GRAMD4: variants seen among roughly 807,000 people sequenced by gnomAD.
The protein encoded by GRAMD4 is GRAM domain-containing protein 4.
In GRAMD4, 25 loss-of-function variants were observed where a neutral mutation model predicts 83.9. The ratio of observed to expected loss-of-function variants is 0.30; its 90% CI spans 0.22 to 0.42. GRAMD4 has a LOEUF of 0.42. GRAMD4 is among the 10% of genes least tolerant of loss of function. GRAMD4 has a pLI of 1.00. For missense variants in GRAMD4, 593 were observed against 788.7 expected (o/e 0.75, Z 2.97); for synonymous variants, 336 against 320.9 (o/e 1.05, Z -0.50).
intron 4 of GRAMD4, among the ~76,000 whole-genome samples, chr22:46,661,118 G>C (rs1413608852): frequency 1.3e-5 from 2 of 152,238 alleles, no homozygotes; most frequent in African/African-American, 4.8e-5. Flanking sequence ...AGAAGCAAGT[G>C]TGCTAAAATG....
chr22:46,627,509 C>T (rs575111141), intron 2 of GRAMD4, among the ~76,000 whole-genome samples: 47 of 152,302 alleles, frequency 3.1e-4, no homozygotes, highest in African/African-American at 7.2e-4. Flanking sequence ...GGGAGCCAGG[C>T]GGGAGCCAGG....
At chr22:46,636,081 T>A (rs2147215277) in intron 2 of GRAMD4, among the ~76,000 whole-genome samples, 1 of 152,096 alleles carries the variant, frequency 6.6e-6, no homozygotes, top group Non-Finnish European at 1.5e-5. Context: ...CCAGCTGGGG[T>A]CCTAGTCTGG....
intron 10 of GRAMD4, 32 bp downstream of exon 10, chr22:46,666,905 G>A (rs758038450): frequency 1.1e-5 from 17 of 1,489,638 alleles, no homozygotes; most frequent in Non-Finnish European, 1.5e-5. Flanking sequence ...GGTCTCCTCC[G>A]ACTGTCTCCA....
At chr22:46,679,889 A>G (rs1033946593), downstream of GRAMD4, 7 of 661,918 alleles carry the variant, frequency 1.1e-5, no homozygotes, top group East Asian at 6.7e-4. Context: ...CCAGCCCGCC[A>G]CTCCCTGGGG....
chr22:46,576,840 T>C (rs2081046054), upstream of GRAMD4, among the ~76,000 whole-genome samples: 1 of 146,194 alleles, frequency 6.8e-6, no homozygotes, highest in Admixed American at 6.8e-5. Flanking sequence ...GCGGACGGCG[T>C]GGCCGTGGCC....
At position 46,672,153 on chromosome 22, in the gene GRAMD4, C is replaced by T. The variant is rs926059267; in HGVS notation, c.1085-690C>T. On this transcript the variant is annotated intron_variant, in intron 13 of 18. Transcript: ENST00000406902. The surrounding 1 kb of genome is among the most constrained non-coding windows in gnomAD (Gnocchi z 4.7). ...CGTTAGCAGGTGTGTGGGGGCCGGCCCCGCCTCCCATCCCTGCATCTGTTG... is the reference window on the plus strand; with the variant it reads ...CGTTAGCAGGTGTGTGGGGGCCGGCTCCGCCTCCCATCCCTGCATCTGTTG... Among the ~76,000 whole-genome samples the T allele has an allele frequency of 6.6e-6, 1 of 152,208 alleles. No homozygotes were observed. Among genetic ancestry groups the T allele is most frequent in the Non-Finnish European group, 1.5e-5 (1 of 68,046 alleles).
chr22:46,635,662 C>T (rs1476580387), intron 2 of GRAMD4, among the ~76,000 whole-genome samples: 1 of 141,502 alleles, frequency 7.1e-6, no homozygotes, highest in Non-Finnish European at 1.5e-5. Context: ...GCCCCCACTC[C>T]CAGCCACCCC....
At position 46,677,836 on chromosome 22, in the gene GRAMD4, G is replaced by A. The variant is rs564882664; in HGVS notation, c.*585G>A. 54 of 985,626 alleles carry A rather than the reference G, an allele frequency of 5.5e-5. No individual in the cohort carries two copies. The African/African-American group carries it at 7.8e-4, about 14-fold the overall frequency. 61.1% of individuals were successfully genotyped at this position (985,626 alleles called of 1,614,324 possible). On this transcript the variant is annotated 3_prime_UTR_variant, in exon 19 of 19. Transcript: ENST00000406902. ...CCTTGGTGCCGGGCTGGGGCCGGGC[G>A]CAGTGACCCTGCCTGCGCTCCACAC...
intron 3 of GRAMD4, among the ~76,000 whole-genome samples, chr22:46,649,188 G>A (rs1378972229): frequency 6.6e-6 from 1 of 152,222 alleles, no homozygotes; most frequent in Non-Finnish European, 1.5e-5. Context: ...AGCTGGAACT[G>A]GAGTTGGGGA....
intron 1 of GRAMD4, among the ~76,000 whole-genome samples, chr22:46,623,327 C>A (rs573771957): frequency 6.6e-6 from 1 of 152,340 alleles, no homozygotes; most frequent in African/African-American, 2.4e-5. Context: ...GTTGAGGGGG[C>A]GTCTGTGTGC....
At chr22:46,663,350 G>T (rs2082359012) in intron 6 of GRAMD4, among the ~76,000 whole-genome samples, 178 bp downstream of exon 6, 1 of 152,350 alleles carries the variant, frequency 6.6e-6, no homozygotes, top group East Asian at 1.9e-4. Flanking sequence ...GCAGGGGCTT[G>T]CGAGGCCCGC....
At chr22:46,671,645 G>C (rs1402097505) in intron 13 of GRAMD4, among the ~76,000 whole-genome samples, 1 of 147,038 alleles carries the variant, frequency 6.8e-6, no homozygotes, top group African/African-American at 2.6e-5. Context: ...GACAGAGCAA[G>C]ACTCCGTCTC....
chr22:46,670,151 G>A (rs368901555), intron 13 of GRAMD4, among the ~76,000 whole-genome samples: 109 of 152,368 alleles, frequency 7.2e-4, no homozygotes, highest in Middle Eastern at 6.8e-3. Flanking sequence ...GGCGTGCTGC[G>A]CAGAGGAGCA....
rs1037498307 is a variant in GRAMD4, at chr22:46,679,594, T to C, written c.*2343T>C. On this transcript the variant is annotated 3_prime_UTR_variant, in exon 19 of 19. Coordinates refer to ENST00000406902, the MANE Select transcript of GRAMD4 (RefSeq NM_015124.5). ...TGTTAAATTTTTTATGTCTGAAGCC[T>C]GAGTCTATTTTGGATCTGTAAATAA... is the stretch of plus-strand genomic sequence containing the variant. The C allele has an allele frequency of 1.0e-6, 1 of 983,550 alleles. No individual in the cohort carries two copies. Among genetic ancestry groups the C allele is most frequent in the African/African-American group, 1.7e-5 (1 of 57,294 alleles). The allele number at this position is 983,550 out of a possible 1,614,324, so 60.9% of individuals were successfully genotyped here.
intron 1 of GRAMD4, among the ~76,000 whole-genome samples, chr22:46,608,612 G>A (rs1382532431): frequency 6.6e-6 from 1 of 152,196 alleles, no homozygotes; most frequent in Non-Finnish European, 1.5e-5. Context: ...CCAGGAGGCA[G>A]AGGTTGCAGT....
At chr22:46,616,426 G>A (rs1422454454), upstream of GRAMD4, among the ~76,000 whole-genome samples, 5 of 108,428 alleles carry the variant, frequency 4.6e-5, no homozygotes, top group African/African-American at 1.5e-4. Flanking sequence ...AGGTTCCCCC[G>A]TGAGTAGGTT....
chr22:46,597,963 T>C (rs1218562221), intron 1 of GRAMD4, among the ~76,000 whole-genome samples: 4 of 151,832 alleles, frequency 2.6e-5, no homozygotes, highest in Non-Finnish European at 4.4e-5. Flanking sequence ...GTCCATTAGG[T>C]TTTGGCATTG....
In GRAMD4 at chr22:46,677,233, G is replaced by A. The variant is rs142588743; in HGVS notation, c.1719G>A (p.Ala573=). ...ACATCAAGATCACCTCAGCGGCAGC[G>A]TCTGGCGGGGACAGCTAGTATTGAC... ...SQYIKITSAA[A]SGGDS is the part of the protein sequence containing the mutation. The change falls in exon 19 of 19, where the codon GCG becomes GCA. Residue 573 remains alanine (A), a synonymous_variant. Transcript: ENST00000406902. 3.3e-5 allele frequency: 54 copies of A among 1,613,444 alleles called. No individual in the cohort carries two copies. Among genetic ancestry groups the A allele is most frequent in the African/African-American group, 1.2e-4 (9 of 75,012 alleles).
At chr22:46,616,664 G>A (rs1246708066), upstream of GRAMD4, among the ~76,000 whole-genome samples, 14 of 127,284 alleles carry the variant, frequency 1.1e-4, 1 homozygote, top group Non-Finnish European at 1.8e-4. Flanking sequence ...ACGTTCCCCT[G>A]TGTGTAGGTT....
Sources: gnomAD v4.1 joint callset for allele counts (sites outside exome capture counted in the v4.1 genomes callset) on GRCh38, gnomAD v4.1.1 for gene constraint, Gnocchi (gnomAD v3.1) non-coding constraint, MANE v1.5 for transcripts, NCBI Gene and HGNC (gene_info 2026-07-23, HGNC 2026-07-21) for gene names.